The following DNAH11 variants were observed in gnomAD, a reference collection of about 807,000 sequenced individuals.
DNAH11 encodes the protein dynein axonemal heavy chain 11.
Under a neutral mutation model 526.0 loss-of-function variants are expected in DNAH11, and 442 were observed. That is an observed-to-expected ratio of 0.84 (90% CI 0.78 to 0.91). The LOEUF (loss-of-function observed/expected upper bound fraction) is 0.91. Ranked by LOEUF, DNAH11 falls within the 40% of genes least tolerant of loss-of-function variation. DNAH11 has a pLI of 0.00. For synonymous variants in DNAH11, 2,461 were observed against 1,935.9 expected, an observed-to-expected ratio of 1.27 and a Z score of -7.12; for missense variants, 6,989 against 5,448.7, an observed-to-expected ratio of 1.28 and a Z score of -8.90.
intron 2 of DNAH11, among the ~76,000 whole-genome samples, chr7:21,555,838 G>A (rs776942458): frequency 2.0e-5 from 3 of 152,086 alleles, no homozygotes; most frequent in African/African-American, 4.8e-5. Flanking sequence ...TTCTGCTCTC[G>A]ACTGGAGTCC....
At chr7:21,897,718 C>A (rs945549947) in intron 79 of DNAH11, among the ~76,000 whole-genome samples, 7 of 152,128 alleles carry the variant, frequency 4.6e-5, no homozygotes, top group African/African-American at 9.7e-5. Context: ...TGGGTTCAAC[C>A]GATTCTCCTG....
chr7:21,765,815 C>T (rs1787160507), intron 55 of DNAH11, among the ~76,000 whole-genome samples: 3 of 152,158 alleles, frequency 2.0e-5, no homozygotes, highest in African/African-American at 7.2e-5. Context: ...GGAGGATGTG[C>T]ACACGTGCGT....
chr7:21,597,140 T>A (rs148634220), intron 14 of DNAH11, among the ~76,000 whole-genome samples: 1 of 53,804 alleles, frequency 1.9e-5, no homozygotes, highest in South Asian at 5.0e-4. Context: ...TGGGCCTGAG[T>A]GATCATTCAG....
intron 6 of DNAH11, among the ~76,000 whole-genome samples, chr7:21,567,241 A>G (rs1783707507): frequency 6.6e-6 from 1 of 152,088 alleles, no homozygotes; most frequent in Admixed American, 6.6e-5. Context: ...CATGTTTTTA[A>G]ATTTGTACCT....
At chr7:21,722,808 T>C (rs892314904) in intron 44 of DNAH11, among the ~76,000 whole-genome samples, 4 of 151,778 alleles carry the variant, frequency 2.6e-5, no homozygotes, top group African/African-American at 7.3e-5. Flanking sequence ...ACCCTCCTTC[T>C]CCACCAGGTA....
chr7:21,810,012 C>G (rs1216042667), intron 63 of DNAH11, among the ~76,000 whole-genome samples: 2 of 152,150 alleles, frequency 1.3e-5, no homozygotes, highest in Non-Finnish European at 2.9e-5. Flanking sequence ...TGAAATCAAA[C>G]TCAGATCATC....
chr7:21,631,119 A>G (rs183585103), intron 25 of DNAH11, among the ~76,000 whole-genome samples: 124 of 152,294 alleles, frequency 8.1e-4, no homozygotes, highest in African/African-American at 2.7e-3. Context: ...GCAGCAGACA[A>G]GAGAAGAAAG....
At chr7:21,702,861 A>G in intron 37 of DNAH11, 59 bp downstream of exon 37, 1 of 1,426,956 alleles carries the variant, frequency 7.0e-7, no homozygotes, top group Non-Finnish European at 9.8e-7. Flanking sequence ...CACAGACATG[A>G]AAGTATATGC....
intron 25 of DNAH11, among the ~76,000 whole-genome samples, chr7:21,628,719 A>G (rs572985306): frequency 1.6e-4 from 24 of 152,154 alleles, no homozygotes; most frequent in African/African-American, 5.1e-4. Context: ...TGTGGCATCT[A>G]TGTTTATCAG....
chr7:21,691,691 C>T (rs938416953), intron 35 of DNAH11, among the ~76,000 whole-genome samples: 1 of 152,054 alleles, frequency 6.6e-6, no homozygotes, highest in Admixed American at 6.6e-5. Flanking sequence ...CTTTAGTTCT[C>T]TTCATTTAAT....
intron 20 of DNAH11, among the ~76,000 whole-genome samples, chr7:21,608,452 C>G (rs183692500): frequency 4.1e-4 from 63 of 152,260 alleles, no homozygotes; most frequent in African/African-American, 1.4e-3. Context: ...TGGAGATAGT[C>G]TTAACTCCTT....
At chr7:21,787,679 T>G (rs1175648847) in intron 60 of DNAH11, 96 bp downstream of exon 60, 4 of 1,124,908 alleles carry the variant, frequency 3.6e-6, no homozygotes, top group Non-Finnish European at 4.9e-6. Flanking sequence ...ATTTGTTATT[T>G]CATTTTCTGA....
chr7:21,864,596 T>C lies in DNAH11; in HGVS notation c.11435T>C (p.Val3812Ala), dbSNP rs1783199337. The C allele has an allele frequency of 6.2e-7, 1 of 1,611,450 alleles. No homozygotes were observed. Among genetic ancestry groups the C allele is most frequent in the Non-Finnish European group, 8.5e-7 (1 of 1,178,644 alleles). Reference protein sequence around the residue: ...LELDFLLRFTVEHTHLSPVDF... With the variant: ...LELDFLLRFTAEHTHLSPVDF... The stretch of plus-strand genomic sequence containing the variant: ...TTGGATTTCCTGCTTCGATTCACAG[T>C]TGAACACACTCATCTGAGTCCCGTT... Residue 3812 changes from valine to alanine, a missense_variant, in exon 70 of 82, where the codon GTT becomes GCT. Transcript: ENST00000409508.
At chr7:21,543,922 A>T in intron 1 of DNAH11, 2 of 367,322 alleles carry the variant, frequency 5.4e-6, no homozygotes, top group Admixed American at 9.2e-5. Flanking sequence ...TCTGTGCCAA[A>T]AAACTTGCGT....
intron 74 of DNAH11, among the ~76,000 whole-genome samples, chr7:21,879,851 G>A (rs773387463): frequency 6.6e-6 from 1 of 152,110 alleles, no homozygotes; most frequent in African/African-American, 2.4e-5. Context: ...TTGGGAGGCC[G>A]AGCAGGGTGG....
At chr7:21,630,200 A>G (rs1786538352) in intron 25 of DNAH11, among the ~76,000 whole-genome samples, 1 of 151,868 alleles carries the variant, frequency 6.6e-6, no homozygotes, top group African/African-American at 2.4e-5. Flanking sequence ...TGAAGAAGAA[A>G]CTCCATTCCT....
At chr7:21,626,811 C>T (rs1031884237) in intron 25 of DNAH11, among the ~76,000 whole-genome samples, 5 of 128,828 alleles carry the variant, frequency 3.9e-5, no homozygotes, top group Non-Finnish European at 4.6e-5. Flanking sequence ...AGTACAGTGG[C>T]GTGATCTCGG....
intron 76 of DNAH11, among the ~76,000 whole-genome samples, chr7:21,888,803 A>G (rs1032816417): frequency 1.3e-5 from 2 of 151,994 alleles, no homozygotes; most frequent in African/African-American, 4.8e-5. Flanking sequence ...TATCATCCAA[A>G]TTTTTGATTA....
Position 21,787,445 on chromosome 7 carries a change from C to T in DNAH11, c.9786C>T (p.His3262=), listed in dbSNP as rs1441302403. The T allele has an allele frequency of 1.2e-6, 2 of 1,612,446 alleles. No individual in the cohort carries two copies. The highest frequency in any genetic ancestry group is 2.2e-5 in the South Asian group (2 of 90,704). The change falls in exon 60 of 82, where the codon CAC becomes CAT. Residue 3262 remains histidine (H), a synonymous_variant. Transcript: ENST00000409508. ...CATTAATTAACTATGACAAAGAGCA[C>T]ATTCCAGAGAACTGTCTAAAAGTGG... ...LQALINYDKE[H]IPENCLKVVN...
Sources: gnomAD v4.1 joint callset for allele counts (sites outside exome capture counted in the v4.1 genomes callset) on GRCh38, gnomAD v4.1.1 for gene constraint, MANE v1.5 for transcripts, NCBI Gene and HGNC (gene_info 2026-07-23, HGNC 2026-07-21) for gene names.